The following PARD3B variants were observed in gnomAD, a reference collection of about 807,000 sequenced individuals.
PARD3B encodes the protein par-3 family cell polarity regulator beta.
In PARD3B, 103 loss-of-function variants were observed where a neutral mutation model predicts 130.2. The observed-to-expected ratio is 0.79, with a 90% CI of 0.67 to 0.93. PARD3B has a LOEUF of 0.93. Among genes scored for constraint, PARD3B ranks in the 40% least tolerant of loss-of-function variants. The pLI is 0.00. For synonymous variants in PARD3B, 583 were observed against 553.2 expected (o/e 1.05, Z -0.76); for missense variants, 1,609 against 1,499.2 (o/e 1.07, Z -1.21).
chr2:205,009,207 A>G (rs1695512043), intron 3 of PARD3B, among the ~76,000 whole-genome samples: 1 of 152,220 alleles, frequency 6.6e-6, no homozygotes, highest in Non-Finnish European at 1.5e-5. Context: ...AATTGGTATC[A>G]TCTAAATATT....
chr2:204,650,471 A>C (rs934181464), intron 1 of PARD3B, among the ~76,000 whole-genome samples: 5 of 152,220 alleles, frequency 3.3e-5, no homozygotes, highest in African/African-American at 1.2e-4. Context: ...AGCACTATTC[A>C]CAACAGCAAA....
intron 3 of PARD3B, among the ~76,000 whole-genome samples, chr2:205,016,370 G>C (rs1176967500): frequency 1.3e-5 from 2 of 152,020 alleles, no homozygotes; most frequent in Non-Finnish European, 2.9e-5. Flanking sequence ...TCGTGCTCCA[G>C]CCACCCTGGC....
At chr2:205,528,970 T>C (rs59021483) in intron 21 of PARD3B, among the ~76,000 whole-genome samples, 6,471 of 152,238 alleles carry the variant, frequency 0.043, 225 homozygotes, top group South Asian at 0.13. Flanking sequence ...AGTCAATCTA[T>C]GTTTATGAAT....
chr2:205,028,084 G>GT (rs1276540787), intron 3 of PARD3B, among the ~76,000 whole-genome samples: 10 of 151,958 alleles, frequency 6.6e-5, no homozygotes, highest in African/African-American at 1.4e-4. Context: ...GAATTTTAGG[G>GT]TTTTTTTCTG....
At chr2:204,979,703 T>C (rs758226019) in intron 3 of PARD3B, among the ~76,000 whole-genome samples, 3 of 152,170 alleles carry the variant, frequency 2.0e-5, no homozygotes, top group Non-Finnish European at 2.9e-5. Flanking sequence ...TGGAGTAGAA[T>C]AGAAATTATA....
rs2048332037 is a variant in PARD3B at position 205,458,032 on chromosome 2, C to T, written c.3044+17360C>T. Among the ~76,000 whole-genome samples, 1 of 152,114 alleles carries T rather than the reference C, an allele frequency of 6.6e-6. No individual in the cohort carries two copies. Among genetic ancestry groups the T allele is most frequent in the Non-Finnish European group, 1.5e-5 (1 of 68,022 alleles). On this transcript the variant is annotated intron_variant, in intron 20 of 22. Transcript: ENST00000406610. The surrounding 1 kb of genome is among the most constrained non-coding windows in gnomAD (Gnocchi z 4.8). ...GACTTTTCAGATAAGGGATACTCAA[C>T]CTGTAATGTATCATTTTTCTTTGAC...
rs114269955 is a variant in PARD3B at position 204,983,414 on chromosome 2, G to C, written c.394+18091G>C. ...ATGGTGGCTGTGGGGGGAGTCGGGA[G>C]AGGAAGGGGGGAGGAGAGAAGTCAG... On this transcript the variant is annotated intron_variant, in intron 3 of 22. Transcript: ENST00000406610. Among the ~76,000 whole-genome samples the C allele has an allele frequency of 7.0e-3, 1,003 of 143,386 alleles. 17 individuals carry two copies. Among genetic ancestry groups the C allele is most frequent in the African/African-American group, 0.024 (937 of 39,080 alleles). 94.1% of individuals were successfully genotyped at this position (143,386 alleles called of 152,430 possible).
At chr2:204,830,893 G>A (rs1416090784) in intron 2 of PARD3B, among the ~76,000 whole-genome samples, 1 of 152,152 alleles carries the variant, frequency 6.6e-6, no homozygotes, top group East Asian at 1.9e-4. Context: ...TATGTGTAAA[G>A]TACATTTTCT....
rs180805493 is a variant in PARD3B, at chr2:205,171,877, A to G, written c.1621-334A>G. Among the ~76,000 whole-genome samples, 462 of 152,318 alleles carry G rather than the reference A, an allele frequency of 3.0e-3. 3 individuals carry two copies. The highest frequency in any genetic ancestry group is 0.011 in the African/African-American group (443 of 41,570). ...CAAACCCCCTTCCCTTGAGTCAACA[A>G]CATGGTCTCCGCCAGAGCAAATGGC... On this transcript the variant is annotated intron_variant, in intron 11 of 22. Transcript: ENST00000406610.
At chr2:204,766,773 A>G (rs988449011) in intron 2 of PARD3B, among the ~76,000 whole-genome samples, 2 of 150,238 alleles carry the variant, frequency 1.3e-5, no homozygotes, top group African/African-American at 4.9e-5. Context: ...ATTTTTCTAA[A>G]GCTTATGAAG....
Position 205,470,984 on chromosome 2 carries a change from AG to A in PARD3B, c.3045-28909del, listed in dbSNP as rs1230931245. Among the ~76,000 whole-genome samples the A allele has an allele frequency of 1.3e-5, 2 of 152,232 alleles. No homozygotes were observed. The highest frequency in any genetic ancestry group is 3.9e-4 in the East Asian group (2 of 5,190). On this transcript the variant is annotated intron_variant, in intron 20 of 22. Transcript: ENST00000406610. The surrounding 1 kb of genome is among the most constrained non-coding windows in gnomAD (Gnocchi z 4.8). ...GGAATGATGTGAATCAGACATCAGA[AG>A]GGAGAATCAATTCTTGCAGTCTGAT...
chr2:205,555,161 A>G (rs1478239436), intron 22 of PARD3B, among the ~76,000 whole-genome samples: 1 of 152,224 alleles, frequency 6.6e-6, no homozygotes, highest in Non-Finnish European at 1.5e-5. Context: ...GAAACAGTTT[A>G]AAATCTTCCT....
chr2:204,636,778 C>T (rs1326877587), intron 1 of PARD3B, among the ~76,000 whole-genome samples: 2 of 152,114 alleles, frequency 1.3e-5, no homozygotes, highest in Admixed American at 6.6e-5. Flanking sequence ...GTCAATGATA[C>T]TTTCCTTAAA....
intron 7 of PARD3B, among the ~76,000 whole-genome samples, chr2:205,120,490 TA>T (rs1292342609): frequency 6.6e-6 from 1 of 152,160 alleles, no homozygotes; most frequent in African/African-American, 2.4e-5. Flanking sequence ...GGATTATGAT[TA>T]GTTATTATGT....
chr2:204,766,689 A>T (rs2041163886), intron 2 of PARD3B, among the ~76,000 whole-genome samples: 1 of 152,056 alleles, frequency 6.6e-6, no homozygotes, highest in African/African-American at 2.4e-5. Flanking sequence ...GCTGTTATAA[A>T]TAAAAACCAG....
intron 22 of PARD3B, among the ~76,000 whole-genome samples, chr2:205,578,085 C>T (rs2053827907): frequency 1.3e-5 from 2 of 152,182 alleles, no homozygotes; most frequent in Non-Finnish European, 2.9e-5. Flanking sequence ...GCCTGTCTCT[C>T]ACCAGGGATA....
Position 204,607,534 on chromosome 2 carries a change from G to A in PARD3B, c.120+61415G>A, listed in dbSNP as rs571453221. Among the ~76,000 whole-genome samples the A allele has an allele frequency of 2.6e-5, 4 of 152,236 alleles. 1 individual carries two copies. Among genetic ancestry groups the A allele is most frequent in the African/African-American group, 7.2e-5 (3 of 41,556 alleles). On this transcript the variant is annotated intron_variant, in intron 1 of 22. Coordinates refer to ENST00000406610, the MANE Select transcript of PARD3B (RefSeq NM_001302769.2). The stretch of plus-strand genomic sequence containing the variant: ...ACATGGTTTGACTGGGCCTTGTAAG[G>A]ACTAGAAAGCAGTGCACGTGTATCT...
intron 21 of PARD3B, among the ~76,000 whole-genome samples, chr2:205,540,896 CTAGATAAAAGA>C (rs1260106636): frequency 6.6e-6 from 1 of 152,014 alleles, no homozygotes; most frequent in Non-Finnish European, 1.5e-5. Flanking sequence ...CTTCCAGCTT[CTAGATAAAAGA>C]TAATTTGGAA....
At chr2:205,459,686 T>C (rs758290855) in intron 20 of PARD3B, among the ~76,000 whole-genome samples, 2 of 152,190 alleles carry the variant, frequency 1.3e-5, no homozygotes, top group African/African-American at 4.8e-5. Flanking sequence ...GTCACATTCC[T>C]GAAGGCTGCC....
Sources: allele counts gnomAD v4.1 joint callset (sites outside exome capture counted in the v4.1 genomes callset), GRCh38; gene constraint gnomAD v4.1.1; non-coding constraint Gnocchi (gnomAD v3.1); transcripts MANE v1.5; gene names NCBI Gene and HGNC (gene_info 2026-07-23, HGNC 2026-07-21).